The following CHID1 variants were observed in gnomAD, a reference collection of about 807,000 sequenced individuals.
CHID1 encodes chitinase domain-containing protein 1.
Under a neutral mutation model 55.4 loss-of-function variants are expected in CHID1, and 44 were observed. That is an observed-to-expected ratio of 0.79 (90% CI 0.62 to 1.02). The LOEUF (loss-of-function observed/expected upper bound fraction) is 1.02. Ranked by LOEUF, CHID1 falls within the 50% of genes least tolerant of loss-of-function variation. The pLI is 0.00. For synonymous variants in CHID1, 216 were observed against 212.9 expected, an observed-to-expected ratio of 1.01 and a Z score of -0.13; for missense variants, 491 against 515.3, an observed-to-expected ratio of 0.95 and a Z score of 0.46.
At chr11:876,302 G>A (rs1055430998) in intron 10 of CHID1, among the ~76,000 whole-genome samples, 2 of 152,180 alleles carry the variant, frequency 1.3e-5, no homozygotes, top group Non-Finnish European at 2.9e-5. Context: ...GGCTGGATTT[G>A]GTGTCCAGAG....
At chr11:883,087 C>A (rs745944574) in intron 10 of CHID1, 61 bp downstream of exon 10, 89 of 1,542,102 alleles carry the variant, frequency 5.8e-5, no homozygotes, top group Non-Finnish European at 7.5e-5. Context: ...TGTCTCCTTA[C>A]ACCCACACCC....
At chr11:889,627 T>C (rs903528593) in intron 8 of CHID1, among the ~76,000 whole-genome samples, 1 of 152,134 alleles carries the variant, frequency 6.6e-6, no homozygotes, top group African/African-American at 2.4e-5. Flanking sequence ...GCTTGGCCTA[T>C]GGTCCCTAGT....
At chr11:900,793 A>G (rs978186564) in intron 5 of CHID1, 143 bp downstream of exon 5, 3 of 650,448 alleles carry the variant, frequency 4.6e-6, no homozygotes, top group Non-Finnish European at 7.6e-6. Flanking sequence ...GGCCAGGGCC[A>G]GCCTCATCTC....
upstream of CHID1, chr11:910,922 A>T (rs959559598): frequency 5.1e-6 from 4 of 779,150 alleles, no homozygotes; most frequent in African/African-American, 5.8e-5. Context: ...GGGACTGGGC[A>T]GGGCTGCCCG....
intron 1 of CHID1, 21 bp downstream of exon 1, chr11:910,754 G>A (rs998649715): frequency 1.6e-5 from 19 of 1,188,832 alleles, no homozygotes; most frequent in East Asian, 1.9e-4. Flanking sequence ...AGGAGCAGGG[G>A]CCGGCCGCCG....
chr11:914,400 G>A, upstream of CHID1: 1 of 626,914 alleles, frequency 1.6e-6, no homozygotes, highest in Non-Finnish European at 2.5e-6. Flanking sequence ...CCCACTGCCT[G>A]TCTGCCGTGG....
At chr11:904,896 G>C in intron 1 of CHID1, 37 bp from the exon 2 acceptor site, 1 of 1,604,870 alleles carries the variant, frequency 6.2e-7, no homozygotes, top group Non-Finnish European at 8.5e-7. Flanking sequence ...ACAACCGGCA[G>C]AGAAATGCAG....
intron 1 of CHID1, chr11:908,728 C>A (rs570721038): frequency 1.1e-4 from 49 of 438,560 alleles, no homozygotes; most frequent in Non-Finnish European, 1.3e-4. Flanking sequence ...GGAGGGCACA[C>A]TCAGGTACCC....
chr11:894,933 A>G (rs576462808), intron 7 of CHID1, among the ~76,000 whole-genome samples: 134 of 152,300 alleles, frequency 8.8e-4, no homozygotes, highest in Non-Finnish European at 1.7e-3. Context: ...TCTGGCCCAC[A>G]TCATCTGGTG....
chr11:878,552 A>C (rs1849671553), intron 10 of CHID1, among the ~76,000 whole-genome samples: 1 of 151,862 alleles, frequency 6.6e-6, no homozygotes, highest in South Asian at 2.1e-4. Context: ...AACAAGAGTG[A>C]AATTCTGTCT....
At chr11:901,801 C>A (rs889157096) in intron 4 of CHID1, among the ~76,000 whole-genome samples, 7 of 152,198 alleles carry the variant, frequency 4.6e-5, no homozygotes, top group African/African-American at 1.7e-4. Context: ...TGGCGACCAC[C>A]TCAGAAACCC....
Position 903,088 on chromosome 11 carries a change from C to G in CHID1, c.135G>C (p.Val45=). 1 of 1,612,288 alleles carries G rather than the reference C, an allele frequency of 6.2e-7. No individual in the cohort carries two copies. Among genetic ancestry groups the G allele is most frequent in the East Asian group, 2.2e-5 (1 of 44,888 alleles). The change falls in exon 3 of 13, where the codon GTG becomes GTC. Residue 45 remains valine, a synonymous_variant. Coordinates refer to ENST00000323578, the MANE Select transcript of CHID1 (RefSeq NM_023947.4). ...CCGTCACCACCAAACCCCGGTCTTGCACCGGCTTATCTGAAAACTGACTCT... is the reference window on the plus strand; with the variant it reads ...CCGTCACCACCAAACCCCGGTCTTGGACCGGCTTATCTGAAAACTGACTCT... ...LEKSQFSDKP[V]QDRGLVVTDL...
intron 8 of CHID1, 107 bp downstream of exon 8, chr11:893,320 G>T: frequency 3.6e-6 from 3 of 835,816 alleles, no homozygotes; most frequent in Non-Finnish European, 5.7e-6. Flanking sequence ...GATGAGGTTT[G>T]GGTGCTGAGC....
At chr11:910,058 C>CAAA (rs753977191) in intron 1 of CHID1, among the ~76,000 whole-genome samples, 1 of 129,822 alleles carries the variant, frequency 7.7e-6, no homozygotes, top group East Asian at 2.2e-4. Context: ...GACTCTGTCT[C>CAAA]AAAAAAAAAA....
Position 910,780 on chromosome 11 carries a change from T to C in CHID1, c.-49A>G, listed in dbSNP as rs1852618203. The C allele has an allele frequency of 1.5e-5, 17 of 1,130,446 alleles. No homozygotes were observed. Among genetic ancestry groups the C allele is most frequent in the Non-Finnish European group, 1.8e-5 (16 of 914,196 alleles). The allele number at this position is 1,130,446 out of a possible 1,614,324, so 70.0% of individuals were successfully genotyped here. ...CCGGCCGCCGCGGGGCTCACCTGCA[T>C]GTCAGGGAGGCCGGACGGCCACAAA... On this transcript the variant is annotated 5_prime_UTR_variant, in exon 1 of 13. The change abolishes an upstream ATG in the 5' untranslated region. Transcript: ENST00000323578.
At chr11:877,783 G>GGGAGGCGGGGCCTTTAGAAGGCGA (rs1208919470) in intron 10 of CHID1, among the ~76,000 whole-genome samples, 8 of 54,810 alleles carry the variant, frequency 1.5e-4, no homozygotes, top group Non-Finnish European at 3.0e-4. Flanking sequence ...TTAGAAGGCG[G>GGGAGGCGGGGCCTTTAGAAGGCGA]CACTGTGGGG....
intron 4 of CHID1, 68 bp downstream of exon 4, chr11:902,130 C>T: frequency 6.3e-7 from 1 of 1,588,254 alleles, no homozygotes; most frequent in Non-Finnish European, 8.6e-7. Context: ...ACACACACAC[C>T]CCTGCTCTCG....
rs1176788602 is a variant in CHID1, at chr11:903,035, T to C, written c.188A>G (p.Glu63Gly). ...TDLKAESVVL[E>G]HRSYCSAKAR... ...CTTTGCCGAGCAGTAGCTGCGATGC[T>C]CAAGAACCACACTCTCAGCTTTGAG... Residue 63 changes from glutamate to glycine, a missense_variant, in exon 3 of 13, where the codon GAG becomes GGG. Transcript: ENST00000323578. 6.2e-7 allele frequency: 1 copy of C among 1,613,900 alleles called. No homozygotes were observed. Among genetic ancestry groups the C allele is most frequent in the South Asian group, 1.1e-5 (1 of 91,088 alleles).
At chr11:907,440 C>T (rs764231404) in intron 1 of CHID1, among the ~76,000 whole-genome samples, 20 of 151,486 alleles carry the variant, frequency 1.3e-4, no homozygotes, top group Non-Finnish European at 2.1e-4. Context: ...GAGATAGTGC[C>T]AGTGCACTCC....
Sources: gnomAD v4.1 joint callset for allele counts (sites outside exome capture counted in the v4.1 genomes callset) on GRCh38, gnomAD v4.1.1 for gene constraint, MANE v1.5 for transcripts, NCBI Gene and HGNC (gene_info 2026-07-23, HGNC 2026-07-21) for gene names.